The following RORA variants were observed in gnomAD, a reference collection of about 807,000 sequenced individuals.
The protein encoded by RORA is RAR related orphan receptor A.
A neutral mutation model predicts 69.5 loss-of-function variants in RORA; 7 were observed. The ratio of observed to expected loss-of-function variants is 0.10; its 90% CI spans 0.06 to 0.19. RORA has a LOEUF of 0.19. Among genes scored for constraint, RORA ranks in the 10% least tolerant of loss-of-function variants. The pLI is 1.00. For synonymous variants in RORA, 261 were observed against 240.8 expected, an observed-to-expected ratio of 1.08 and a Z score of -0.78; for missense variants, 457 against 663.0, an observed-to-expected ratio of 0.69 and a Z score of 3.41.
chr15:60,526,627 C>G (rs2066366478), intron 3 of RORA, among the ~76,000 whole-genome samples: 1 of 152,208 alleles, frequency 6.6e-6, no homozygotes, highest in South Asian at 2.1e-4. Context: ...AACCGAAACT[C>G]AGGCATCGTA....
rs774571007 is a variant in RORA at position 61,229,083 on chromosome 15, G to T, written c.136C>A (p.Arg46Ser). Residue 46 changes from arginine to serine, a missense_variant, in exon 1 of 11, where the codon CGC becomes AGC. By Grantham distance (110) the Arg-to-Ser change is moderately radical. This residue lies in a region of RORA where 119 missense variants were observed against 92.4 expected (regional missense o/e 1.29). Transcript: ENST00000335670. Reference protein sequence around the residue: ...ARKSEPPAPVRRQSYSSTSRG... With the variant: ...ARKSEPPAPVSRQSYSSTSRG... ...CTGGTGCTGGAATAGCTCTGTCTGC[G>T]CACCGGGGCAGGCGGCTCGCTCTTG... The T allele has an allele frequency of 2.7e-5, 41 of 1,536,968 alleles. No individual in the cohort carries two copies. Among genetic ancestry groups the T allele is most frequent in the Non-Finnish European group, 3.5e-5 (40 of 1,142,096 alleles).
At chr15:60,609,277 C>T (rs1195106369) in intron 2 of RORA, among the ~76,000 whole-genome samples, 1 of 152,092 alleles carries the variant, frequency 6.6e-6, no homozygotes, top group African/African-American at 2.4e-5. Flanking sequence ...ATACTGAATT[C>T]ATTTAGAAAA....
intron 1 of RORA, among the ~76,000 whole-genome samples, chr15:60,857,596 C>T (rs2073394420): frequency 6.6e-6 from 1 of 152,034 alleles, no homozygotes; most frequent in Admixed American, 6.6e-5. Context: ...AAGACTCAGC[C>T]TCAAAGCATC....
At chr15:60,817,747 C>T (rs9920224) in intron 1 of RORA, among the ~76,000 whole-genome samples, 12,733 of 152,202 alleles carry the variant, frequency 0.084, 1,178 homozygotes, top group African/African-American at 0.23. Context: ...CCCAAAACAC[C>T]CTGTGTTTGT....
At position 60,924,940 on chromosome 15, in the gene RORA, G is replaced by A. The variant is rs1361186494; in HGVS notation, c.167-246254C>T. Reference sequence around the variant, plus strand: ...CTAAAAATACAAAAATTAGCTGTGCGTGGTGGCACATGCCTGTAGTTCCAG... The same window carrying A: ...CTAAAAATACAAAAATTAGCTGTGCATGGTGGCACATGCCTGTAGTTCCAG... On this transcript the variant is annotated intron_variant, in intron 1 of 10. Coordinates refer to ENST00000335670, the MANE Select transcript of RORA (RefSeq NM_134261.3). 4.6e-5 allele frequency among the ~76,000 whole-genome samples: 7 copies of A among 152,054 alleles called. No homozygotes were observed. The East Asian group carries it at 5.8e-4, about 13-fold the overall frequency.
At chr15:61,014,722 G>A (rs1432381956) in intron 1 of RORA, among the ~76,000 whole-genome samples, 4 of 151,808 alleles carry the variant, frequency 2.6e-5, no homozygotes, top group Non-Finnish European at 5.9e-5. Context: ...TAAGCCTTAA[G>A]AAAAAAAATA....
chr15:60,736,686 A>G (rs1014236220), intron 1 of RORA: 1 of 152,134 alleles, frequency 6.6e-6, no homozygotes, highest in Non-Finnish European at 1.5e-5. Flanking sequence ...GCTGTCCCCT[A>G]CTAGAGTATC....
intron 1 of RORA, among the ~76,000 whole-genome samples, chr15:60,995,285 C>G (rs376269948): frequency 6.6e-6 from 1 of 152,142 alleles, no homozygotes; most frequent in African/African-American, 2.4e-5. Context: ...TGGTTGTTAG[C>G]ACTCCGGGTA....
chr15:61,175,999 T>G (rs2079626277), intron 1 of RORA: 1 of 152,272 alleles, frequency 6.6e-6, no homozygotes, highest in South Asian at 2.1e-4. Context: ...GTCAATAGTT[T>G]GGTAATACAC....
chr15:61,006,176 C>A (rs541966697), intron 1 of RORA, among the ~76,000 whole-genome samples: 1 of 152,100 alleles, frequency 6.6e-6, no homozygotes, highest in Non-Finnish European at 1.5e-5. Flanking sequence ...ACAGTGTTGG[C>A]CAGGATGGTC....
At chr15:61,211,684 G>C (rs1299549357) in intron 1 of RORA, among the ~76,000 whole-genome samples, 1 of 152,216 alleles carries the variant, frequency 6.6e-6, no homozygotes, top group African/African-American at 2.4e-5. Context: ...ACAGAGGGCA[G>C]AGGGATGCCT....
At chr15:60,545,609 A>G (rs2067043798) in intron 2 of RORA, among the ~76,000 whole-genome samples, 1 of 152,164 alleles carries the variant, frequency 6.6e-6, no homozygotes, top group African/African-American at 2.4e-5. Context: ...TCTATGAGAG[A>G]AAAATCAAGC....
At chr15:60,615,567 C>A (rs16942820) in intron 2 of RORA, among the ~76,000 whole-genome samples, 13,594 of 152,158 alleles carry the variant, frequency 0.089, 1,086 homozygotes, top group African/African-American at 0.21. Context: ...CCAGCAAAAC[C>A]AACAGGGAGC....
chr15:61,022,844 G>C (rs984507035), intron 1 of RORA, among the ~76,000 whole-genome samples: 32 of 152,106 alleles, frequency 2.1e-4, no homozygotes, highest in Non-Finnish European at 3.5e-4. Context: ...GGCTCCTCAG[G>C]TAAGAGATGC....
intron 1 of RORA, among the ~76,000 whole-genome samples, chr15:61,108,590 T>C (rs1480371442): frequency 6.6e-6 from 1 of 152,246 alleles, no homozygotes; most frequent in East Asian, 1.9e-4. Flanking sequence ...ATTTACTGTA[T>C]GGCCATTTAC....
intron 1 of RORA, among the ~76,000 whole-genome samples, chr15:60,987,804 A>G (rs904984275): frequency 2.0e-5 from 3 of 152,170 alleles, no homozygotes; most frequent in African/African-American, 7.2e-5. Context: ...TTTTTATCTC[A>G]GTTACAGACA....
intron 2 of RORA, chr15:60,592,545 A>T (rs941633618): frequency 9.4e-6 from 12 of 1,273,796 alleles, no homozygotes; most frequent in Non-Finnish European, 1.2e-5. Flanking sequence ...GCCGAGAGCC[A>T]TCCCGAGCCA....
In RORA at chr15:61,118,750, A is replaced by G. The variant is rs191777143; in HGVS notation, c.166+110303T>C. ...ACGCTACCCCTGCCAAATAGGGAGG[A>G]GGAATGATTTTTTTTTTCCTTCATA... On this transcript the variant is annotated intron_variant, in intron 1 of 10. Coordinates refer to ENST00000335670, the MANE Select transcript of RORA (RefSeq NM_134261.3). Among the ~76,000 whole-genome samples, 799 of 152,132 alleles carry G rather than the reference A, an allele frequency of 5.3e-3. 5 individuals carry two copies. The highest frequency in any genetic ancestry group is 0.017 in the African/African-American group (713 of 41,462).
intron 8 of RORA, 37 bp from the exon 9 acceptor site, chr15:60,501,106 AT>A: frequency 7.9e-7 from 1 of 1,272,870 alleles, no homozygotes; most frequent in Non-Finnish European, 1.1e-6. Flanking sequence ...TAGAATTTTG[AT>A]TATTGTCTTA....
Sources: gnomAD v4.1 joint callset for allele counts (sites outside exome capture counted in the v4.1 genomes callset) on GRCh38, gnomAD v4.1.1 for gene constraint, gnomAD v4.1.1 regional missense constraint, MANE v1.5 for transcripts, NCBI Gene and HGNC (gene_info 2026-07-23, HGNC 2026-07-21) for gene names.